The following SP4 variants were observed in gnomAD, a reference collection of about 807,000 sequenced individuals.
SP4 encodes the protein transcription factor Sp4.
In SP4, 19 loss-of-function variants were observed where a neutral mutation model predicts 72.8. The ratio of observed to expected loss-of-function variants is 0.26; its 90% CI spans 0.18 to 0.38. SP4 has a LOEUF of 0.38. Among genes scored for constraint, SP4 ranks in the 10% least tolerant of loss-of-function variants. The pLI is 1.00. For missense variants in SP4, 1,008 were observed against 926.3 expected (o/e 1.09, Z -1.14); for synonymous variants, 395 against 333.1 (o/e 1.19, Z -2.02).
intron 3 of SP4, among the ~76,000 whole-genome samples, chr7:21,444,271 T>C (rs781375255): frequency 6.6e-6 from 1 of 152,208 alleles, no homozygotes; most frequent in Non-Finnish European, 1.5e-5. Flanking sequence ...AATTATGCAG[T>C]TTTCTTTAAT....
In SP4 at chr7:21,511,267, T is replaced by C; in HGVS notation, c.2353T>C (p.Ter785ArgextTer9). The change falls in exon 6 of 6, where the codon TGA (stop) becomes CGA (arginine). Residue 785 changes from the stop codon to arginine, a stop_lost. Transcript: ENST00000222584. ...PNVSTNMEEF[*>R] ...TGTTTCAACCAACATGGAAGAATTC[T>C]GAAAAGTTATTTATAACAGAGACCT... The C allele has an allele frequency of 6.2e-7, 1 of 1,613,616 alleles. No individual in the cohort carries two copies. Among genetic ancestry groups the C allele is most frequent in the Non-Finnish European group, 8.5e-7 (1 of 1,179,704 alleles).
At chr7:21,491,023 C>T (rs1246686874) in intron 5 of SP4, among the ~76,000 whole-genome samples, 1 of 152,114 alleles carries the variant, frequency 6.6e-6, no homozygotes, top group Non-Finnish European at 1.5e-5. Context: ...CAAAATTACT[C>T]AACATACTAT....
chr7:21,475,456 G>T (rs564865083), intron 3 of SP4, among the ~76,000 whole-genome samples: 1 of 151,436 alleles, frequency 6.6e-6, no homozygotes, highest in East Asian at 2.0e-4. Flanking sequence ...CGGTATGTTT[G>T]TTTCTGCTAG....
intron 3 of SP4, among the ~76,000 whole-genome samples, chr7:21,451,185 T>A (rs1274610492): frequency 6.6e-6 from 1 of 152,208 alleles, no homozygotes; most frequent in Non-Finnish European, 1.5e-5. Context: ...CATATATCAG[T>A]TAAACTCTGC....
intron 3 of SP4, among the ~76,000 whole-genome samples, chr7:21,464,553 AC>A (rs1180819562): frequency 6.6e-6 from 1 of 150,790 alleles, no homozygotes; most frequent in African/African-American, 2.4e-5. Flanking sequence ...TCCGTTTGTC[AC>A]AATCTTTGTT....
chr7:21,505,014 G>C (rs145165969), intron 5 of SP4, among the ~76,000 whole-genome samples: 7 of 152,210 alleles, frequency 4.6e-5, no homozygotes. Flanking sequence ...GACCAGGACC[G>C]GGGCTGTAAT....
intron 4 of SP4, among the ~76,000 whole-genome samples, chr7:21,479,264 G>GTTT (rs57884512): frequency 7.9e-4 from 110 of 139,590 alleles, no homozygotes; most frequent in African/African-American, 2.6e-3. Flanking sequence ...ATTCCTAGTT[G>GTTT]TTTTTTTTTT....
intron 3 of SP4, among the ~76,000 whole-genome samples, chr7:21,439,416 A>C (rs1415849796): frequency 6.6e-6 from 1 of 152,140 alleles, no homozygotes; most frequent in East Asian, 1.9e-4. Flanking sequence ...TGGCGAAGGC[A>C]GGGCTTTTAG....
intron 3 of SP4, among the ~76,000 whole-genome samples, chr7:21,442,666 A>C (rs1783298450): frequency 2.0e-5 from 3 of 152,234 alleles, no homozygotes; most frequent in African/African-American, 7.2e-5. Flanking sequence ...TTACCATATC[A>C]GAAGGAAGAA....
chr7:21,453,889 C>T (rs1297647512), intron 3 of SP4, among the ~76,000 whole-genome samples: 1 of 152,202 alleles, frequency 6.6e-6, no homozygotes, highest in Non-Finnish European at 1.5e-5. Context: ...CCACGACTTG[C>T]TCAAACCTTT....
At chr7:21,479,558 G>C (rs772366672) in intron 4 of SP4, among the ~76,000 whole-genome samples, 3 of 152,178 alleles carry the variant, frequency 2.0e-5, no homozygotes, top group Non-Finnish European at 4.4e-5. Context: ...TTGAAATCGA[G>C]AAATGTGAGT....
In SP4 at chr7:21,461,446, G is replaced by A. The variant is rs929194146; in HGVS notation, c.1679-15633G>A. On this transcript the variant is annotated intron_variant, in intron 3 of 5. Transcript: ENST00000222584. ...CGCCAGTGGGCCAGTACTGCTGGGG[G>A]ACCCGGCGCATCCTCCGCAGCTGCT... Among the ~76,000 whole-genome samples the A allele has an allele frequency of 3.3e-5, 5 of 152,212 alleles. No individual in the cohort carries two copies. In the South Asian group the frequency reaches 1.0e-3, roughly 31 times the overall value.
At chr7:21,462,028 T>G (rs1167368776) in intron 3 of SP4, among the ~76,000 whole-genome samples, 1 of 25,654 alleles carries the variant, frequency 3.9e-5, no homozygotes, top group African/African-American at 2.0e-4. Flanking sequence ...TTAGTTTTAG[T>G]TTTTTTTTTT....
chr7:21,428,182 CGCCTCGCCCCCACCCCCACCCACCTCTAT>C lies in SP4; in HGVS notation c.-69_-41del. 1.6e-6 allele frequency: 1 copy of C among 642,316 alleles called. No homozygotes were observed. The highest frequency in any genetic ancestry group is 2.9e-6 in the Non-Finnish European group (1 of 347,662). The allele number at this position is 642,316 out of a possible 1,614,324, so 39.8% of individuals were successfully genotyped here. The stretch of plus-strand genomic sequence containing the variant: ...GGCGGGCGGGACCGGCCTCTCCTCC[CGCCTCGCCCCCACCCCCACCCACCTCTAT>C]CCCAGTGTCTCCGTCTGAGGGTTTG... On this transcript the variant is annotated 5_prime_UTR_variant, in exon 1 of 6. Coordinates refer to ENST00000222584, the MANE Select transcript of SP4 (RefSeq NM_003112.5).
At chr7:21,435,847 A>AT (rs113136334) in intron 3 of SP4, among the ~76,000 whole-genome samples, 26,926 of 144,554 alleles carry the variant, frequency 0.19, 3,213 homozygotes, top group East Asian at 0.55. Context: ...GTAAAAGGGC[A>AT]TTTTTTTTTT....
chr7:21,440,187 G>A (rs143484740), intron 3 of SP4, among the ~76,000 whole-genome samples: 1 of 152,122 alleles, frequency 6.6e-6, no homozygotes, highest in Non-Finnish European at 1.5e-5. Context: ...TACCACTCTG[G>A]GCAAACATCA....
chr7:21,455,826 C>CA (rs1411137932), intron 3 of SP4, among the ~76,000 whole-genome samples: 2 of 152,182 alleles, frequency 1.3e-5, no homozygotes, highest in Non-Finnish European at 2.9e-5. Context: ...GAGTGACTCT[C>CA]ACTTGCAGCA....
In SP4 at chr7:21,462,583, G is replaced by GT. The variant is rs1197332642; in HGVS notation, c.1679-14496_1679-14495insT. ...AGTGTCTAGTTTGTATCTGGAGATT[G>GT]GTCCTGAGAAGAGATCAGAATCAGC... On this transcript the variant is annotated intron_variant, in intron 3 of 5. Coordinates refer to ENST00000222584, the MANE Select transcript of SP4 (RefSeq NM_003112.5). 1.3e-3 allele frequency among the ~76,000 whole-genome samples: 193 copies of GT among 152,286 alleles called. 1 individual carries two copies. Among genetic ancestry groups the GT allele is most frequent in the Non-Finnish European group, 1.7e-3 (114 of 68,024 alleles).
rs187305703 is a variant in SP4, at chr7:21,502,403, T to C, written c.2108-8619T>C. ...CAAGAGGAGTAGTTCATATTCCCTG[T>C]AGAGAATGAGGGGTTCTGACCTCTC... On this transcript the variant is annotated intron_variant, in intron 5 of 5. Coordinates refer to ENST00000222584, the MANE Select transcript of SP4 (RefSeq NM_003112.5). Among the ~76,000 whole-genome samples, 74 of 152,138 alleles carry C rather than the reference T, an allele frequency of 4.9e-4. No individual in the cohort carries two copies. In the East Asian group the frequency reaches 0.014, roughly 28 times the overall value.
Sources: gnomAD v4.1 joint callset for allele counts (sites outside exome capture counted in the v4.1 genomes callset) on GRCh38, gnomAD v4.1.1 for gene constraint, MANE v1.5 for transcripts, NCBI Gene and HGNC (gene_info 2026-07-23, HGNC 2026-07-21) for gene names.